The following AGPAT4 variants were observed in gnomAD, a reference collection of about 807,000 sequenced individuals.
AGPAT4 encodes 1-acyl-sn-glycerol-3-phosphate acyltransferase delta.
AGPAT4 carries 15 observed loss-of-function variants against 48.0 expected under a neutral mutation model. The observed-to-expected ratio is 0.31, with a 90% CI of 0.21 to 0.48. AGPAT4 has a LOEUF of 0.48. Among genes scored for constraint, AGPAT4 ranks in the 20% least tolerant of loss-of-function variants. The pLI is 0.99. For synonymous variants in AGPAT4, 178 were observed against 198.7 expected (o/e 0.90, Z 0.88); for missense variants, 314 against 482.5 (o/e 0.65, Z 3.27).
rs1437179070 is a variant in AGPAT4, at chr6:161,143,513, A to G, written c.843+3011T>C. Reference sequence around the variant, plus strand: ...AGAATCTGTTCACCCCATACAATTAAGAAACCGTGATGGCTATCGTGACCT... The same window carrying G: ...AGAATCTGTTCACCCCATACAATTAGGAAACCGTGATGGCTATCGTGACCT... On this transcript the variant is annotated intron_variant, in intron 7 of 8. Transcript: ENST00000320285. The surrounding 1 kb of genome is among the most constrained non-coding windows in gnomAD (Gnocchi z 4.7). Among the ~76,000 whole-genome samples, 1 of 152,252 alleles carries G rather than the reference A, an allele frequency of 6.6e-6. No individual in the cohort carries two copies. The highest frequency in any genetic ancestry group is 6.5e-5 in the Admixed American group (1 of 15,280).
chr6:161,273,796 C>A (rs1163887679), intron 1 of AGPAT4, 142 bp downstream of exon 1: 1 of 146,454 alleles, frequency 6.8e-6, no homozygotes, highest in South Asian at 2.2e-4. Flanking sequence ...CCTTGCACTC[C>A]CCCCCCGCCC....
chr6:161,153,853 G>A (rs546199406), intron 4 of AGPAT4, among the ~76,000 whole-genome samples: 2,049 of 134,544 alleles, frequency 0.015, 64 homozygotes, highest in African/African-American at 0.058. Flanking sequence ...GGTCACATAT[G>A]GCCACATGAT....
rs974037094 is a variant in AGPAT4 at position 161,214,775 on chromosome 6, A to G, written c.178+17261T>C. Among the ~76,000 whole-genome samples the G allele has an allele frequency of 3.1e-4, 47 of 152,200 alleles. 1 individual carries two copies. The highest frequency in any genetic ancestry group is 2.9e-5 in the Non-Finnish European group (2 of 68,030). On this transcript the variant is annotated intron_variant, in intron 2 of 8. Coordinates refer to ENST00000320285, the MANE Select transcript of AGPAT4 (RefSeq NM_020133.3). This position sits in a 1 kb window ranked among gnomAD's most constrained non-coding sequence, Gnocchi z 5.4. ...CAGAGGAAGACTCCGTCTCAAAATA[A>G]ATAAATAAATAAATAATAAAATAAA... is the stretch of plus-strand genomic sequence containing the variant.
At chr6:161,209,576 C>A (rs1184352159) in intron 2 of AGPAT4, among the ~76,000 whole-genome samples, 2 of 152,102 alleles carry the variant, frequency 1.3e-5, no homozygotes, top group Non-Finnish European at 2.9e-5. Flanking sequence ...CCAGGAGAGA[C>A]CTGAATTGAG....
At position 161,149,807 on chromosome 6, in the gene AGPAT4, G is replaced by T. The variant is rs954662815; in HGVS notation, c.665-518C>A. ...TCTGCCCGCCTCAGCCTCCCAAAGT[G>T]CTGGGATTACAGGTGTAAGCCACTG... On this transcript the variant is annotated intron_variant, in intron 5 of 8. Transcript: ENST00000320285. The surrounding 1 kb of genome is among the most constrained non-coding windows in gnomAD (Gnocchi z 6.5). 6.6e-6 allele frequency among the ~76,000 whole-genome samples: 1 copy of T among 152,190 alleles called. No homozygotes were observed. Among genetic ancestry groups the T allele is most frequent in the Non-Finnish European group, 1.5e-5 (1 of 68,036 alleles).
In AGPAT4 at chr6:161,245,838, G is replaced by C. The variant is rs1782632494; in HGVS notation, c.-89-13536C>G. Among the ~76,000 whole-genome samples the C allele has an allele frequency of 6.6e-6, 1 of 152,146 alleles. No homozygotes were observed. The highest frequency in any genetic ancestry group is 1.5e-5 in the Non-Finnish European group (1 of 68,020). The stretch of plus-strand genomic sequence containing the variant: ...CATTTCTTTGATTTTCATAAAGGAT[G>C]CCAAATGAACCCAGGCAACTTCCCC... On this transcript the variant is annotated intron_variant, in intron 1 of 8. Transcript: ENST00000320285. The surrounding 1 kb of genome is among the most constrained non-coding windows in gnomAD (Gnocchi z 5.2).
At position 161,227,483 on chromosome 6, in the gene AGPAT4, G is replaced by A. The variant is rs921176608; in HGVS notation, c.178+4553C>T. Among the ~76,000 whole-genome samples the A allele has an allele frequency of 6.0e-4, 91 of 152,206 alleles. 2 individuals are homozygous for A. The highest frequency in any genetic ancestry group is 9.8e-4 in the Admixed American group (15 of 15,284). The stretch of plus-strand genomic sequence containing the variant: ...GTAGAGTTGAGGACTCCCATTCTCC[G>A]TGGTCGTTAATTTCAGACAGGTTCT... On this transcript the variant is annotated intron_variant, in intron 2 of 8. Transcript: ENST00000320285.
chr6:161,178,070 T>C lies in AGPAT4; in HGVS notation c.179-11653A>G, dbSNP rs1780476204. Reference sequence around the variant, plus strand: ...GTGTCAAATGGCCCCTACTGGGAGGTGTCTCCCAGTTAGGCTACTCGGGGG... The same window carrying C: ...GTGTCAAATGGCCCCTACTGGGAGGCGTCTCCCAGTTAGGCTACTCGGGGG... On this transcript the variant is annotated intron_variant, in intron 2 of 8. Coordinates refer to ENST00000320285, the MANE Select transcript of AGPAT4 (RefSeq NM_020133.3). The surrounding 1 kb of genome is among the most constrained non-coding windows in gnomAD (Gnocchi z 5.1). 6.6e-6 allele frequency among the ~76,000 whole-genome samples: 1 copy of C among 152,060 alleles called. No homozygotes were observed. Among genetic ancestry groups the C allele is most frequent in the Non-Finnish European group, 1.5e-5 (1 of 68,004 alleles).
chr6:161,263,958 G>A (rs1783175521), intron 1 of AGPAT4, among the ~76,000 whole-genome samples: 2 of 152,146 alleles, frequency 1.3e-5, no homozygotes, highest in Admixed American at 6.5e-5. Flanking sequence ...GTGGCTTTGG[G>A]AGGGTTAGTT....
rs1432518422 is a variant in AGPAT4, at chr6:161,266,245, A to T, written c.-90+7693T>A. Among the ~76,000 whole-genome samples, 1 of 152,178 alleles carries T rather than the reference A, an allele frequency of 6.6e-6. No individual in the cohort carries two copies. Among genetic ancestry groups the T allele is most frequent in the African/African-American group, 2.4e-5 (1 of 41,458 alleles). Reference sequence around the variant, plus strand: ...CCAAAATCTCAACATCGAGATTGAGAAACACCTCGCCCTCAAGGAATGTCA... The same window carrying T: ...CCAAAATCTCAACATCGAGATTGAGTAACACCTCGCCCTCAAGGAATGTCA... On this transcript the variant is annotated intron_variant, in intron 1 of 8. Transcript: ENST00000320285. The surrounding 1 kb of genome is among the most constrained non-coding windows in gnomAD (Gnocchi z 6.2).
chr6:161,245,532 A>G lies in AGPAT4; in HGVS notation c.-89-13230T>C, dbSNP rs1257690075. On this transcript the variant is annotated intron_variant, in intron 1 of 8. Coordinates refer to ENST00000320285, the MANE Select transcript of AGPAT4 (RefSeq NM_020133.3). The surrounding 1 kb of genome is among the most constrained non-coding windows in gnomAD (Gnocchi z 5.2). ...AGAGGAAGCACTCTGCTGCCTCTAT[A>G]GTGGCCACAGGAGCTTACTTTTTGT... Among the ~76,000 whole-genome samples, 1 of 152,138 alleles carries G rather than the reference A, an allele frequency of 6.6e-6. No homozygotes were observed. The highest frequency in any genetic ancestry group is 1.5e-5 in the Non-Finnish European group (1 of 68,022).
Position 161,130,781 on chromosome 6 carries a change from C to T in AGPAT4, c.*5759G>A. The T allele has an allele frequency of 2.0e-6, 1 of 503,140 alleles. No individual in the cohort carries two copies. Among genetic ancestry groups the T allele is most frequent in the Non-Finnish European group, 4.0e-6 (1 of 248,888 alleles). The allele number at this position is 503,140 out of a possible 1,614,324, so 31.2% of individuals were successfully genotyped here. On this transcript the variant is annotated 3_prime_UTR_variant, in exon 9 of 9. Coordinates refer to ENST00000320285, the MANE Select transcript of AGPAT4 (RefSeq NM_020133.3). ...ACAGCTGAGGCCATGCCATTGCTAC[C>T]CGGAAGCTGGCTCTGCAGCGTTGTG...
intron 2 of AGPAT4, among the ~76,000 whole-genome samples, chr6:161,183,106 T>C (rs1780647601): frequency 6.6e-6 from 1 of 152,148 alleles, no homozygotes; most frequent in Admixed American, 6.6e-5. Flanking sequence ...GACATTGAGA[T>C]TTTAAACTCC....
intron 2 of AGPAT4, among the ~76,000 whole-genome samples, chr6:161,213,067 T>C (rs1156876724): frequency 1.3e-5 from 2 of 152,190 alleles, no homozygotes; most frequent in Non-Finnish European, 2.9e-5. Flanking sequence ...TGACCTGTGG[T>C]AGGTAAACAA....
rs1224866178 is a variant in AGPAT4, at chr6:161,132,752, A to G, written c.*3788T>C. 2.6e-5 allele frequency: 4 copies of G among 152,228 alleles called. No homozygotes were observed. The highest frequency in any genetic ancestry group is 4.4e-5 in the Non-Finnish European group (3 of 68,062). The allele number at this position is 152,228 out of a possible 1,614,324, so 9.4% of individuals were successfully genotyped here. ...TACGTCAGTTAAGGCATCGTGAGACACAGGTGTGGTGGAGGCATTATGAGG... is the reference window on the plus strand; with the variant it reads ...TACGTCAGTTAAGGCATCGTGAGACGCAGGTGTGGTGGAGGCATTATGAGG... On this transcript the variant is annotated 3_prime_UTR_variant, in exon 9 of 9. Transcript: ENST00000320285.
In AGPAT4 at chr6:161,146,103, G is replaced by A. The variant is rs998062865; in HGVS notation, c.843+421C>T. Among the ~76,000 whole-genome samples, 1 of 151,576 alleles carries A rather than the reference G, an allele frequency of 6.6e-6. No homozygotes were observed. The highest frequency in any genetic ancestry group is 2.4e-5 in the African/African-American group (1 of 40,850). The stretch of plus-strand genomic sequence containing the variant: ...CAGGTTCGAACCCAGCCAAGACCAA[G>A]GTGGATCCTTGTAGGGCTTTATCCT... On this transcript the variant is annotated intron_variant, in intron 7 of 8. Transcript: ENST00000320285. The surrounding 1 kb of genome is among the most constrained non-coding windows in gnomAD (Gnocchi z 7.1).
intron 2 of AGPAT4, among the ~76,000 whole-genome samples, chr6:161,230,016 G>C (rs944368371): frequency 5.3e-5 from 8 of 152,164 alleles, no homozygotes; most frequent in Non-Finnish European, 7.4e-5. Flanking sequence ...GTTAATTCTT[G>C]AGTTTCATTT....
Position 161,259,087 on chromosome 6 carries a change from G to A in AGPAT4, c.-90+14851C>T, listed in dbSNP as rs529981916. Among the ~76,000 whole-genome samples, 29 of 152,048 alleles carry A rather than the reference G, an allele frequency of 1.9e-4. No homozygotes were observed. In the South Asian group the frequency reaches 4.2e-3, roughly 22 times the overall value. On this transcript the variant is annotated intron_variant, in intron 1 of 8. Coordinates refer to ENST00000320285, the MANE Select transcript of AGPAT4 (RefSeq NM_020133.3). This position sits in a 1 kb window ranked among gnomAD's most constrained non-coding sequence, Gnocchi z 4.9. ...TGCTGGGATTACAGGTGTGAGCCACGGTACCCGGCCTTAAATTCTTTTCAA... is the reference window on the plus strand; with the variant it reads ...TGCTGGGATTACAGGTGTGAGCCACAGTACCCGGCCTTAAATTCTTTTCAA...
rs745528891 is a variant in AGPAT4 at position 161,267,556 on chromosome 6, A to T, written c.-90+6382T>A. 8.5e-5 allele frequency among the ~76,000 whole-genome samples: 13 copies of T among 152,076 alleles called. No homozygotes were observed. Among genetic ancestry groups the T allele is most frequent in the Non-Finnish European group, 1.8e-4 (12 of 68,018 alleles). On this transcript the variant is annotated intron_variant, in intron 1 of 8. Transcript: ENST00000320285. This position sits in a 1 kb window ranked among gnomAD's most constrained non-coding sequence, Gnocchi z 5.2. ...TGGGGAAACCCTGTCTCTACTAAAAATACACACGCAAAAAAATTAGCCAGG... is the reference window on the plus strand; with the variant it reads ...TGGGGAAACCCTGTCTCTACTAAAATTACACACGCAAAAAAATTAGCCAGG...
Sources: allele counts gnomAD v4.1 joint callset (sites outside exome capture counted in the v4.1 genomes callset), GRCh38; gene constraint gnomAD v4.1.1; non-coding constraint Gnocchi (gnomAD v3.1); transcripts MANE v1.5; gene names NCBI Gene and HGNC (gene_info 2026-07-23, HGNC 2026-07-21).